Variants in CTSE observed in about 807,000 individuals in gnomAD.
CTSE encodes the protein erythrocyte membrane aspartic proteinase.
A neutral mutation model predicts 42.8 loss-of-function variants in CTSE; 43 were observed. The observed-to-expected ratio is 1.01, with a 90% CI of 0.79 to 1.30. CTSE has a LOEUF of 1.30. CTSE is among the 50% of genes most tolerant of loss of function. The pLI, the probability that CTSE is intolerant of heterozygous loss-of-function variation, is 0.00. For missense variants in CTSE, 532 were observed against 493.5 expected (o/e 1.08, Z -0.74); for synonymous variants, 205 against 191.5 (o/e 1.07, Z -0.58).
Position 206,015,867 on chromosome 1 carries a change from A to G in CTSE, c.662+64T>C. 2 of 1,468,834 alleles carry G rather than the reference A, an allele frequency of 1.4e-6. 1 individual carries two copies. Among genetic ancestry groups the G allele is most frequent in the Non-Finnish European group, 1.9e-6 (2 of 1,060,572 alleles). The allele number at this position is 1,468,834 out of a possible 1,614,324, so 91.0% of individuals were successfully genotyped here. A position where few individuals can be genotyped will look rare whatever the true frequency, so the allele number is the denominator to read the frequency against. On this transcript the variant is annotated intron_variant, in intron 5 of 8. Transcript: ENST00000358184. ...ACCAGGTCTTTTGACTGCTAAGTCA[A>G]GTGTATGTGTTGTCTCCCTGTAGTT...
chr1:206,022,957 T>C lies in CTSE; in HGVS notation c.169A>G (p.Thr57Ala), dbSNP rs782417893. The change falls in exon 2 of 9, where the codon ACC becomes GCC. Residue 57 changes from threonine (T) to alanine (A), a missense_variant. Physicochemically the swap from Thr to Ala is moderately conservative, Grantham distance 58. Transcript: ENST00000358184. ...CTCTGGTCCATTGAGCAGGACTCGG[T>C]GAACTGGATCATGTCCAAATTATGG... ...KSHNLDMIQF[T>A]ESCSMDQSAK... The C allele has an allele frequency of 9.3e-6, 15 of 1,609,820 alleles. 1 individual carries two copies. The South Asian group carries it at 1.3e-4, about 14-fold the overall frequency.
intron 4 of CTSE, 85 bp from the exon 5 acceptor site, chr1:206,016,215 C>T (rs930318213): frequency 2.3e-6 from 3 of 1,295,172 alleles, no homozygotes; most frequent in Non-Finnish European, 3.3e-6. Context: ...TTTCCTCTGT[C>T]TTGAAGCTAA....
intron 1 of CTSE, 80 bp from the exon 2 acceptor site, chr1:206,023,137 G>T: frequency 2.0e-6 from 1 of 503,246 alleles, no homozygotes; most frequent in South Asian, 1.6e-5. Flanking sequence ...TTTCTCAGGG[G>T]CCAACTAGAG....
intron 8 of CTSE, among the ~76,000 whole-genome samples, chr1:206,011,643 C>T (rs1571808499): frequency 6.6e-6 from 1 of 151,988 alleles, no homozygotes. Context: ...TATACCTTAG[C>T]ACCCCTCTTC....
At chr1:206,015,691 C>T (rs781947627) in intron 5 of CTSE, among the ~76,000 whole-genome samples, 1 of 152,030 alleles carries the variant, frequency 6.6e-6, no homozygotes, top group Non-Finnish European at 1.5e-5. Context: ...AAGAACCAAT[C>T]CCAGAGATTC....
rs1661187995 is a variant in CTSE at position 206,013,845 on chromosome 1, G to A, written c.712C>T (p.His238Tyr). The A allele has an allele frequency of 1.2e-6, 2 of 1,613,596 alleles. No homozygotes were observed. Among genetic ancestry groups the A allele is most frequent in the Admixed American group, 1.7e-5 (1 of 59,988 alleles). Residue 238 changes from histidine to tyrosine, a missense_variant, in exon 6 of 9, where the codon CAC (histidine) becomes TAC (tyrosine). Physicochemically the swap from His to Tyr is moderately conservative, Grantham distance 83. Transcript: ENST00000358184. ...GSELIFGGYD[H>Y]SHFSGSLNWV... ...TTCAGGCTCCCAGAGAAATGGGAGT[G>A]GTCGTAGCCTCCAAAAATCAGCTCG...
chr1:206,016,032 C>A lies in CTSE; in HGVS notation c.561G>T (p.Leu187=), dbSNP rs1553277674. ...VDAEFDGILG[L]GYPSLAVGGV... ...CTCCCACAGCCAAGGAGGGGTATCC[C>A]AGGCCCAGAATTCCATCAAACTCTG... Residue 187 remains leucine, a synonymous_variant, in exon 5 of 9, where the codon CTG becomes CTT. Transcript: ENST00000358184. The A allele has an allele frequency of 6.2e-7, 1 of 1,613,928 alleles. No individual in the cohort carries two copies. The highest frequency in any genetic ancestry group is 8.5e-7 in the Non-Finnish European group (1 of 1,179,892).
intron 8 of CTSE, 113 bp from the exon 9 acceptor site, chr1:206,010,460 G>A: frequency 1.1e-6 from 1 of 882,548 alleles, no homozygotes; most frequent in Non-Finnish European, 1.9e-6. Flanking sequence ...TTGGACAGCT[G>A]GTGGGTTCCA....
At chr1:206,013,255 A>T (rs1553277307) in intron 6 of CTSE, among the ~76,000 whole-genome samples, 1 of 152,020 alleles carries the variant, frequency 6.6e-6, no homozygotes, top group African/African-American at 2.4e-5. Flanking sequence ...TATTGTATAT[A>T]TTTCCTGGCT....
At chr1:206,014,132 A>G (rs1413059897) in intron 5 of CTSE, 1 of 480,622 alleles carries the variant, frequency 2.1e-6, no homozygotes, top group African/African-American at 2.0e-5. Context: ...TGCTTCTTGG[A>G]TAAAAAGGTT....
At chr1:206,015,009 A>T (rs1553277569) in intron 5 of CTSE, among the ~76,000 whole-genome samples, 1 of 152,092 alleles carries the variant, frequency 6.6e-6, no homozygotes, top group East Asian at 1.9e-4. Context: ...CAGCAAGGTC[A>T]GAAATCACCT....
At position 206,023,328 on chromosome 1, in the gene CTSE, T is replaced by C. The variant is rs534346528; in HGVS notation, c.69-271A>G. On this transcript the variant is annotated intron_variant, in intron 1 of 8. Transcript: ENST00000358184. The stretch of plus-strand genomic sequence containing the variant: ...TTGAGATCTAGGAAAATGGGAGATG[T>C]GGGGCGGTCTACAGTTTTACATGAA... 2.6e-5 allele frequency among the ~76,000 whole-genome samples: 4 copies of C among 151,928 alleles called. No homozygotes were observed. In the South Asian group the frequency reaches 8.3e-4, roughly 32 times the overall value.
chr1:206,012,283 T>C (rs1384542697), intron 8 of CTSE, 25 bp downstream of exon 8: 5 of 1,596,014 alleles, frequency 3.1e-6, no homozygotes, highest in Middle Eastern at 1.7e-4. Flanking sequence ...CCCTGTGGCC[T>C]GCAGAATAAG....
At chr1:206,022,766 TC>T in intron 2 of CTSE, 134 bp downstream of exon 2, 1 of 860,502 alleles carries the variant, frequency 1.2e-6, no homozygotes, top group Non-Finnish European at 1.7e-6. Context: ...AGGGAATCAG[TC>T]CCCATGGATC....
intron 6 of CTSE, 83 bp downstream of exon 6, chr1:206,013,689 T>G: frequency 6.6e-7 from 1 of 1,521,698 alleles, no homozygotes; most frequent in African/African-American, 1.4e-5. Context: ...TAGTGACCAG[T>G]GGTTTTTCAG....
At chr1:206,011,265 A>G (rs1661092025) in intron 8 of CTSE, among the ~76,000 whole-genome samples, 1 of 151,986 alleles carries the variant, frequency 6.6e-6, no homozygotes, top group Admixed American at 6.6e-5. Flanking sequence ...ACCGGGAAAG[A>G]ACCACGCACC....
Position 206,016,228 on chromosome 1 carries a change from C to T in CTSE, c.463-98G>A, listed in dbSNP as rs1047973871. On this transcript the variant is annotated intron_variant, in intron 4 of 8. Coordinates refer to ENST00000358184, the MANE Select transcript of CTSE (RefSeq NM_001910.4). Reference sequence around the variant, plus strand: ...ATTTTCCTCTGTCTTGAAGCTAATGCCTCTCCTTCCCAACTTTCCTTGACT... The same window carrying T: ...ATTTTCCTCTGTCTTGAAGCTAATGTCTCTCCTTCCCAACTTTCCTTGACT... 5.6e-6 allele frequency: 6 copies of T among 1,074,796 alleles called. No individual in the cohort carries two copies. In the Admixed American group the frequency reaches 7.5e-5, roughly 13 times the overall value. The allele number at this position is 1,074,796 out of a possible 1,614,324, so 66.6% of individuals were successfully genotyped here.
Position 206,021,106 on chromosome 1 carries a change from G to A in CTSE, c.405C>T (p.Phe135=), listed in dbSNP as rs1446140381. Residue 135 remains phenylalanine (F), a synonymous_variant, in exon 4 of 9, where the codon TTC becomes TTT. Coordinates refer to ENST00000358184, the MANE Select transcript of CTSE (RefSeq NM_001910.4). ...SSTYSQPGQS[F]SIQYGTGSLS... ...AGCTCCCGGTTCCATACTGAATGGAGAAAGATTGACCTGGCTGGCTGTATG... is the reference window on the plus strand; with the variant it reads ...AGCTCCCGGTTCCATACTGAATGGAAAAAGATTGACCTGGCTGGCTGTATG... 1.2e-6 allele frequency: 2 copies of A among 1,613,848 alleles called. No individual in the cohort carries two copies. The highest frequency in any genetic ancestry group is 2.2e-5 in the East Asian group (1 of 44,890).
chr1:206,010,449 C>T (rs1461286798), intron 8 of CTSE, 102 bp from the exon 9 acceptor site: 1 of 995,848 alleles, frequency 1.0e-6, no homozygotes, highest in African/African-American at 1.6e-5. Flanking sequence ...ACTGGGTGGC[C>T]TTGGACAGCT....
Sources: gnomAD v4.1 joint callset for allele counts (sites outside exome capture counted in the v4.1 genomes callset) on GRCh38, gnomAD v4.1.1 for gene constraint, MANE v1.5 for transcripts, NCBI Gene and HGNC (gene_info 2026-07-23, HGNC 2026-07-21) for gene names.